Variants in XPO1 observed in about 807,000 individuals in gnomAD.
The protein encoded by XPO1 is exportin 1.
A neutral mutation model predicts 133.3 loss-of-function variants in XPO1; 5 were observed. The ratio of observed to expected loss-of-function variants is 0.04; its 90% CI spans 0.02 to 0.08. The LOEUF is 0.08. Ranked by LOEUF, XPO1 falls within the 10% of genes least tolerant of loss-of-function variation. The pLI is 1.00. For missense variants in XPO1, 506 were observed against 1,267.5 expected (o/e 0.40, Z 9.12); for synonymous variants, 419 against 408.2 (o/e 1.03, Z -0.32).
intron 23 of XPO1, among the ~76,000 whole-genome samples, chr2:61,481,616 TGTA>T (rs1448920083): frequency 6.6e-6 from 1 of 151,722 alleles, no homozygotes; most frequent in African/African-American, 2.4e-5. Context: ...CCGGCTAATT[TGTA>T]TTTTTAGTAG....
At chr2:61,506,656 A>C (rs1027654737) in intron 4 of XPO1, among the ~76,000 whole-genome samples, 2 of 151,524 alleles carry the variant, frequency 1.3e-5, no homozygotes, top group Non-Finnish European at 2.9e-5. Context: ...TAGTACACTC[A>C]AGCCTGGGCG....
At chr2:61,494,336 T>C in intron 11 of XPO1, 1 of 372,430 alleles carries the variant, frequency 2.7e-6, no homozygotes, top group Non-Finnish European at 4.9e-6. Flanking sequence ...TGTCTCCTAA[T>C]GGAACGACAT....
intron 4 of XPO1, among the ~76,000 whole-genome samples, chr2:61,519,043 C>T (rs71422307): frequency 2.0e-5 from 3 of 152,188 alleles, no homozygotes; most frequent in Admixed American, 1.3e-4. Flanking sequence ...CTCCGCCTCC[C>T]GGGTTCAAGC....
intron 6 of XPO1, among the ~76,000 whole-genome samples, chr2:61,500,427 A>T (rs1697447459): frequency 6.6e-6 from 1 of 151,692 alleles, no homozygotes; most frequent in Non-Finnish European, 1.5e-5. Flanking sequence ...AAAAATACAA[A>T]AATTAGCGAG....
chr2:61,481,156 T>C (rs1696331048), intron 24 of XPO1, 29 bp downstream of exon 24: 3 of 1,513,432 alleles, frequency 2.0e-6, no homozygotes, highest in South Asian at 1.2e-5. Flanking sequence ...CTACCCCTAA[T>C]ATTTCTGCAA....
Position 61,498,724 on chromosome 2 carries a change from A to T in XPO1, c.708T>A (p.Ile236=), listed in dbSNP as rs1697361289. 1.2e-6 allele frequency: 2 copies of T among 1,614,050 alleles called. No individual in the cohort carries two copies. The highest frequency in any genetic ancestry group is 3.3e-5 in the Admixed American group (2 of 60,002). The stretch of plus-strand genomic sequence containing the variant: ...TGGTCTCAAAAATATATCCCAGGGG[A>T]ATCCAGTTCAGAAATCTGAGCAATG... ...LETLLRFLNW[I]PLGYIFETKL... is the part of the protein sequence containing the mutation. The change falls in exon 9 of 25, where the codon ATT becomes ATA. Residue 236 remains isoleucine, a synonymous_variant. Transcript: ENST00000401558.
chr2:61,482,059 C>CTTTTTTTTTTTTTTTTTTTTTTTTTT (rs1273871116), intron 23 of XPO1, among the ~76,000 whole-genome samples: 56 of 41,094 alleles, frequency 1.4e-3, no homozygotes, highest in Non-Finnish European at 1.7e-3. Flanking sequence ...TTTTTTTTTG[C>CTTTTTTTTTTTTTTTTTTTTTTTTTT]TTTTTTAAAG....
At chr2:61,503,959 C>A (rs1392333625) in intron 4 of XPO1, among the ~76,000 whole-genome samples, 1 of 152,140 alleles carries the variant, frequency 6.6e-6, no homozygotes, top group South Asian at 2.1e-4. Flanking sequence ...GCCGGTGGAT[C>A]GCTTGAGGCC....
chr2:61,535,219 T>C (rs1019365111), intron 1 of XPO1, among the ~76,000 whole-genome samples: 5 of 152,232 alleles, frequency 3.3e-5, no homozygotes, highest in African/African-American at 7.2e-5. Context: ...TCAAACCTAA[T>C]TGGTTAAGTC....
intron 16 of XPO1, among the ~76,000 whole-genome samples, chr2:61,491,795 G>C (rs537689146): frequency 2.0e-5 from 3 of 151,734 alleles, no homozygotes; most frequent in Admixed American, 6.6e-5. Flanking sequence ...AGCTACCCAC[G>C]AGGCCAAGGT....
chr2:61,482,794 T>G (rs1378224472), intron 22 of XPO1, 163 bp downstream of exon 22: 1 of 859,660 alleles, frequency 1.2e-6, no homozygotes, highest in African/African-American at 1.7e-5. Flanking sequence ...TTTTATTTTT[T>G]TATGGTATTT....
chr2:61,497,751 CA>C (rs2104479933), intron 9 of XPO1, among the ~76,000 whole-genome samples: 3 of 152,206 alleles, frequency 2.0e-5, no homozygotes, highest in Non-Finnish European at 4.4e-5. Flanking sequence ...GGTTGGAAAT[CA>C]GGGGGCATTA....
chr2:61,488,464 A>G (rs1405236747), intron 18 of XPO1, 124 bp downstream of exon 18: 19 of 1,179,332 alleles, frequency 1.6e-5, no homozygotes, highest in Non-Finnish European at 1.2e-5. Context: ...AAATATGTCT[A>G]GGGTCATTTG....
Position 61,513,767 on chromosome 2 carries a change from A to G in XPO1, c.301+8844T>C, listed in dbSNP as rs1352105114. On this transcript the variant is annotated intron_variant, in intron 4 of 24. Coordinates refer to ENST00000401558, the MANE Select transcript of XPO1 (RefSeq NM_003400.4). ...AAATTTTTGCTCTGCAAAAGACACC[A>G]TTACAAAAATTAAACAGGAAGCCAC... Among the ~76,000 whole-genome samples the G allele has an allele frequency of 3.9e-5, 6 of 152,338 alleles. No individual in the cohort carries two copies. In the East Asian group the frequency reaches 1.2e-3, roughly 29 times the overall value.
At chr2:61,497,905 A>G (rs1396885806) in intron 9 of XPO1, among the ~76,000 whole-genome samples, 1 of 152,248 alleles carries the variant, frequency 6.6e-6, no homozygotes, top group Non-Finnish European at 1.5e-5. Context: ...GTTTTTACAT[A>G]ATTAAGCAAT....
intron 16 of XPO1, among the ~76,000 whole-genome samples, chr2:61,491,459 AACACACACACACAC>A (rs61072503): frequency 2.2e-4 from 32 of 143,006 alleles, no homozygotes; most frequent in East Asian, 4.1e-4. Flanking sequence ...TCAAAAAACA[AACACACACACACAC>A]ACACACACAC....
chr2:61,516,118 T>TC (rs1265956644), intron 4 of XPO1, among the ~76,000 whole-genome samples: 1 of 132,312 alleles, frequency 7.6e-6, no homozygotes, highest in Non-Finnish European at 1.6e-5. Context: ...AGAGCGAAAC[T>TC]CCGTCGCAAA....
chr2:61,535,448 G>C (rs1021254556), intron 1 of XPO1, among the ~76,000 whole-genome samples: 2 of 152,332 alleles, frequency 1.3e-5, no homozygotes, highest in East Asian at 3.9e-4. Context: ...ACCAGAAAAT[G>C]AGTAGCTAAT....
At chr2:61,520,201 C>G (rs1170990997) in intron 4 of XPO1, among the ~76,000 whole-genome samples, 1 of 152,010 alleles carries the variant, frequency 6.6e-6, no homozygotes, top group African/African-American at 2.4e-5. Flanking sequence ...AGGACACTTA[C>G]AGAAAAAGGA....
Sources: allele counts gnomAD v4.1 joint callset (sites outside exome capture counted in the v4.1 genomes callset), GRCh38; gene constraint gnomAD v4.1.1; transcripts MANE v1.5; gene names NCBI Gene and HGNC (gene_info 2026-07-23, HGNC 2026-07-21).